APP: variants seen among roughly 807,000 people sequenced by gnomAD.
APP encodes amyloid-beta precursor protein.
In APP, 31 loss-of-function variants were observed where a neutral mutation model predicts 101.4. The observed-to-expected ratio is 0.31, with a 90% CI of 0.23 to 0.41. The LOEUF (loss-of-function observed/expected upper bound fraction) is 0.41, where lower values mean the gene tolerates loss of function less well. APP is among the 10% of genes least tolerant of loss of function. The pLI, the probability that APP is intolerant of heterozygous loss-of-function variation, is 1.00. For missense variants in APP, 839 were observed against 1,003.7 expected, an observed-to-expected ratio of 0.84 and a Z score of 2.22; for synonymous variants, 366 against 364.4, an observed-to-expected ratio of 1.00 and a Z score of -0.05.
intron 1 of APP, among the ~76,000 whole-genome samples, chr21:26,148,214 A>G (rs2146332123): frequency 6.6e-6 from 1 of 152,284 alleles, no homozygotes; most frequent in South Asian, 2.1e-4. Context: ...GTGGTAAACA[A>G]TTATTTCAAT....
At chr21:26,045,980 G>A (rs2045592065) in intron 5 of APP, among the ~76,000 whole-genome samples, 1 of 151,952 alleles carries the variant, frequency 6.6e-6, no homozygotes. Context: ...TGTCTTACAT[G>A]TATGGCAGCA....
chr21:25,885,652 G>A (rs1187550518), intron 17 of APP, among the ~76,000 whole-genome samples: 3 of 152,122 alleles, frequency 2.0e-5, no homozygotes, highest in African/African-American at 7.2e-5. Context: ...TGCACTGCAT[G>A]GTGGCATGGC....
rs1287659935 is a variant in APP, at chr21:25,905,028, T to C, written c.1959A>G (p.Arg653=). The C allele has an allele frequency of 6.2e-7, 1 of 1,613,794 alleles. No homozygotes were observed. The change falls in exon 15 of 18, where the codon CGA becomes CGG. Residue 653 remains arginine (R), a synonymous_variant. Transcript: ENST00000346798. ...CAAGTCAAGCGGTTCTGATACCTGGTCGAGTGGTCAGTCCTCGGTCGGCAG... is the reference window on the plus strand; with the variant it reads ...CAAGTCAAGCGGTTCTGATACCTGGCCGAGTGGTCAGTCCTCGGTCGGCAG... ...RPAADRGLTT[R]PGSGLTNIKT...
chr21:26,115,896 C>T (rs534360833), intron 1 of APP, among the ~76,000 whole-genome samples: 7 of 152,190 alleles, frequency 4.6e-5, no homozygotes, highest in African/African-American at 1.7e-4. Flanking sequence ...AACCACTTAA[C>T]TACTACATTT....
chr21:26,126,285 G>T (rs1441733634), intron 1 of APP, among the ~76,000 whole-genome samples: 2 of 152,200 alleles, frequency 1.3e-5, no homozygotes, highest in African/African-American at 4.8e-5. Flanking sequence ...GAATAGAAGT[G>T]CCTCTTCAGA....
At chr21:26,006,779 G>C (rs953736905) in intron 6 of APP, among the ~76,000 whole-genome samples, 4 of 152,120 alleles carry the variant, frequency 2.6e-5, no homozygotes, top group African/African-American at 9.7e-5. Flanking sequence ...TCAAATGTAC[G>C]ATAATTATAA....
At chr21:26,023,202 G>C (rs945313141) in intron 5 of APP, among the ~76,000 whole-genome samples, 1 of 152,064 alleles carries the variant, frequency 6.6e-6, no homozygotes, top group African/African-American at 2.4e-5. Context: ...ATTTCAGTGA[G>C]CATCAGAATC....
intron 5 of APP, among the ~76,000 whole-genome samples, chr21:26,042,268 T>TATTG (rs2045406822): frequency 1.3e-5 from 2 of 152,200 alleles, no homozygotes; most frequent in Non-Finnish European, 2.9e-5. Flanking sequence ...TCTTTCTCTC[T>TATTG]CACCTAATTT....
intron 6 of APP, among the ~76,000 whole-genome samples, chr21:26,013,370 ATGAACC>A (rs1363121065): frequency 6.6e-6 from 1 of 152,146 alleles, no homozygotes; most frequent in Non-Finnish European, 1.5e-5. Context: ...GCATGTTTAA[ATGAACC>A]TGAACCTCTG....
Position 25,975,946 on chromosome 21 carries a change from G to A in APP, c.1299+8C>T. 6.2e-7 allele frequency: 1 copy of A among 1,612,458 alleles called. No individual in the cohort carries two copies. Among genetic ancestry groups the A allele is most frequent in the Non-Finnish European group, 8.5e-7 (1 of 1,178,646 alleles). On this transcript the variant is annotated splice_region_variant and intron_variant, in intron 10 of 17. Transcript: ENST00000346798. ...TGATGTTTGGTAGGAAATGGGTTCA[G>A]GTTTTACCTGGATAACTGCCTTCTT... is the stretch of plus-strand genomic sequence containing the variant.
At chr21:26,161,009 T>C (rs2063479776) in intron 1 of APP, among the ~76,000 whole-genome samples, 1 of 152,244 alleles carries the variant, frequency 6.6e-6, no homozygotes, top group South Asian at 2.1e-4. Context: ...CTATGCTTGT[T>C]CGCAGTTTCT....
chr21:25,934,004 A>C (rs1171206017), intron 13 of APP: 1 of 152,200 alleles, frequency 6.6e-6, no homozygotes, highest in African/African-American at 2.4e-5. Context: ...ACTTGGAAAC[A>C]GGGTCTTTGC....
intron 3 of APP, among the ~76,000 whole-genome samples, chr21:26,053,771 TA>T (rs2045930165): frequency 6.6e-6 from 1 of 152,164 alleles, no homozygotes; most frequent in Non-Finnish European, 1.5e-5. Context: ...AATCTGCTTG[TA>T]AGTAACAGAA....
At chr21:26,118,065 A>G (rs1180606745) in intron 1 of APP, among the ~76,000 whole-genome samples, 1 of 152,198 alleles carries the variant, frequency 6.6e-6, no homozygotes, top group African/African-American at 2.4e-5. Context: ...CCTAATACCA[A>G]GCTTTTTTAC....
At chr21:25,978,706 C>G (rs1321132838) in intron 9 of APP, among the ~76,000 whole-genome samples, 1 of 152,212 alleles carries the variant, frequency 6.6e-6, no homozygotes, top group African/African-American at 2.4e-5. Flanking sequence ...ATAATCCCAG[C>G]ACTTTGGGAG....
chr21:26,040,316 T>C (rs572529045), intron 5 of APP, among the ~76,000 whole-genome samples: 41 of 152,184 alleles, frequency 2.7e-4, no homozygotes, highest in African/African-American at 9.4e-4. Context: ...TATTGTACAT[T>C]CTTGGCTGGG....
At chr21:26,148,446 G>A (rs1416136158) in intron 1 of APP, among the ~76,000 whole-genome samples, 1 of 152,174 alleles carries the variant, frequency 6.6e-6, no homozygotes, top group East Asian at 1.9e-4. Flanking sequence ...AGAAGAGGAA[G>A]GTCAGATGGG....
intron 3 of APP, among the ~76,000 whole-genome samples, chr21:26,070,628 G>A (rs1462404653): frequency 2.6e-5 from 4 of 151,818 alleles, no homozygotes; most frequent in South Asian, 2.1e-4. Flanking sequence ...AGTAAGTAAC[G>A]GATTTTAAGA....
At chr21:26,126,726 C>T (rs1019540466) in intron 1 of APP, among the ~76,000 whole-genome samples, 1 of 152,046 alleles carries the variant, frequency 6.6e-6, no homozygotes, top group Non-Finnish European at 1.5e-5. Context: ...CCAACATAAA[C>T]AATTATTTGG....
Sources: allele counts gnomAD v4.1 joint callset (sites outside exome capture counted in the v4.1 genomes callset), GRCh38; gene constraint gnomAD v4.1.1; transcripts MANE v1.5; gene names NCBI Gene and HGNC (gene_info 2026-07-23, HGNC 2026-07-21).